Variants in HPCAL1 observed in about 807,000 individuals in gnomAD.
The protein encoded by HPCAL1 is hippocalcin-like protein 1.
A neutral mutation model predicts 17.1 loss-of-function variants in HPCAL1; 8 were observed. That is an observed-to-expected ratio of 0.47 (90% CI 0.27 to 0.84). HPCAL1 has a LOEUF of 0.84. Ranked by LOEUF, HPCAL1 falls within the 40% of genes least tolerant of loss-of-function variation. The probability of loss-of-function intolerance (pLI) is 0.13; values close to 1 mark genes in which losing one functional copy is unlikely to be tolerated. For synonymous variants in HPCAL1, 112 were observed against 111.4 expected, an observed-to-expected ratio of 1.01 and a Z score of -0.03; for missense variants, 165 against 271.1, an observed-to-expected ratio of 0.61 and a Z score of 2.75.
intron 3 of HPCAL1, among the ~76,000 whole-genome samples, chr2:10,422,717 C>T (rs1671139816): frequency 6.6e-6 from 1 of 152,232 alleles, no homozygotes; most frequent in Non-Finnish European, 1.5e-5. Flanking sequence ...TAGGCACCTT[C>T]CTGGCACTAC....
At chr2:10,393,414 C>T (rs1296869989) in intron 1 of HPCAL1, among the ~76,000 whole-genome samples, 1 of 152,232 alleles carries the variant, frequency 6.6e-6, no homozygotes, top group Non-Finnish European at 1.5e-5. Context: ...GCTGGCTGGG[C>T]CTCCTCTGCG....
intron 2 of HPCAL1, chr2:10,406,394 A>G (rs937204701): frequency 2.0e-5 from 3 of 152,266 alleles, no homozygotes; most frequent in Non-Finnish European, 4.4e-5. Flanking sequence ...CTGCTGTTTC[A>G]TGGGCGTGTG....
At chr2:10,307,893 C>T (rs574585032) in intron 1 of HPCAL1, among the ~76,000 whole-genome samples, 108 of 152,334 alleles carry the variant, frequency 7.1e-4, no homozygotes, top group African/African-American at 2.4e-3. Context: ...CCTCCCCAAC[C>T]CCACCAAACC....
chr2:10,341,936 T>A (rs1421851188), intron 1 of HPCAL1, among the ~76,000 whole-genome samples: 1 of 151,632 alleles, frequency 6.6e-6, no homozygotes, highest in East Asian at 2.0e-4. Flanking sequence ...AGTGGGAGGA[T>A]CACTTGAGGA....
At chr2:10,368,150 G>A (rs1334102954) in intron 1 of HPCAL1, among the ~76,000 whole-genome samples, 1 of 151,924 alleles carries the variant, frequency 6.6e-6, no homozygotes, top group African/African-American at 2.4e-5. Context: ...ACACGTGCAT[G>A]TGTAGGTGTG....
intron 2 of HPCAL1, among the ~76,000 whole-genome samples, chr2:10,412,273 G>A (rs578094958): frequency 6.6e-6 from 1 of 152,338 alleles, no homozygotes; most frequent in East Asian, 1.9e-4. Flanking sequence ...TGCAGGGAAC[G>A]ACTTTCCTCC....
In HPCAL1 at chr2:10,419,522, C is replaced by T. The variant is rs1670898127; in HGVS notation, c.-24-212C>T. ...ACATTCTCCAAGTGAGAACGTGTCC[C>T]GCAGTGTGAGGGTGAGCTGTCGTGA... On this transcript the variant is annotated intron_variant, in intron 2 of 4. Transcript: ENST00000307845. The surrounding 1 kb of genome is among the most constrained non-coding windows in gnomAD (Gnocchi z 5.0). Among the ~76,000 whole-genome samples, 1 of 151,880 alleles carries T rather than the reference C, an allele frequency of 6.6e-6. No individual in the cohort carries two copies. The highest frequency in any genetic ancestry group is 2.4e-5 in the African/African-American group (1 of 41,336).
Position 10,405,186 on chromosome 2 carries a change from G to A in HPCAL1, c.-25+8266G>A, listed in dbSNP as rs900563538. 2.0e-5 allele frequency among the ~76,000 whole-genome samples: 3 copies of A among 152,248 alleles called. No homozygotes were observed. The East Asian group carries it at 5.8e-4, about 29-fold the overall frequency. ...GGACCATATGGCTGGAGACGGGGCA[G>A]GCTGGGCAGAGCCCCCAGCAGGGCC... is the stretch of plus-strand genomic sequence containing the variant. On this transcript the variant is annotated intron_variant, in intron 2 of 4. Transcript: ENST00000307845.
At chr2:10,315,738 G>A (rs759892936) in intron 1 of HPCAL1, among the ~76,000 whole-genome samples, 3 of 152,218 alleles carry the variant, frequency 2.0e-5, no homozygotes, top group Non-Finnish European at 4.4e-5. Flanking sequence ...CACGTGCGGT[G>A]GCTCATGCCT....
chr2:10,328,174 T>G (rs1343240714), intron 1 of HPCAL1, among the ~76,000 whole-genome samples: 6 of 152,128 alleles, frequency 3.9e-5, no homozygotes, highest in Non-Finnish European at 7.4e-5. Flanking sequence ...AATAGGAAGG[T>G]GATGGCCAGG....
intron 2 of HPCAL1, among the ~76,000 whole-genome samples, chr2:10,415,822 G>A (rs545997029): frequency 6.6e-5 from 10 of 152,326 alleles, no homozygotes; most frequent in Middle Eastern, 3.4e-3. Context: ...CCTGTGCCCC[G>A]GAGCCTGGCT....
rs1334652900 is a variant in HPCAL1, at chr2:10,330,121, T to A, written c.-111+26944T>A. The A allele has an allele frequency of 2.0e-5, 3 of 152,080 alleles. No homozygotes were observed. Among genetic ancestry groups the A allele is most frequent in the Non-Finnish European group, 2.9e-5 (2 of 68,022 alleles). 9.4% of individuals were successfully genotyped at this position (152,080 alleles called of 1,614,324 possible). A position where few individuals can be genotyped will look rare whatever the true frequency, so the allele number is the denominator to read the frequency against. On this transcript the variant is annotated intron_variant, in intron 1 of 4. Coordinates refer to ENST00000307845, the MANE Select transcript of HPCAL1 (RefSeq NM_002149.4). The surrounding 1 kb of genome is among the most constrained non-coding windows in gnomAD (Gnocchi z 4.2). ...TTCCTTTTAGAGACTATGCACAATT[T>A]ATGTGGCAAGCTAGAGATGCTTTCT...
intron 2 of HPCAL1, among the ~76,000 whole-genome samples, chr2:10,406,519 G>A (rs1669979176): frequency 6.6e-6 from 1 of 152,256 alleles, no homozygotes; most frequent in Admixed American, 6.5e-5. Flanking sequence ...GAAGGAACCA[G>A]TCCAGAGACT....
At chr2:10,336,897 A>G (rs1664757026) in intron 1 of HPCAL1, among the ~76,000 whole-genome samples, 2 of 152,082 alleles carry the variant, frequency 1.3e-5, no homozygotes, top group South Asian at 4.2e-4. Context: ...GGTATGCACC[A>G]CCACACCTGG....
chr2:10,426,986 T>G lies in HPCAL1; in HGVS notation c.*165T>G. 1.6e-6 allele frequency: 1 copy of G among 623,434 alleles called. No individual in the cohort carries two copies. The highest frequency in any genetic ancestry group is 2.5e-5 in the Admixed American group (1 of 39,630). 38.6% of individuals were successfully genotyped at this position (623,434 alleles called of 1,614,324 possible). ...GGTGGCTGCGCCTCCCTCCTCCACC[T>G]GACCAACGCGACATTCCTCCCCTCA... On this transcript the variant is annotated 3_prime_UTR_variant, in exon 5 of 5. Coordinates refer to ENST00000307845, the MANE Select transcript of HPCAL1 (RefSeq NM_002149.4).
intron 1 of HPCAL1, among the ~76,000 whole-genome samples, chr2:10,370,191 C>G (rs527800655): frequency 6.6e-6 from 1 of 152,380 alleles, no homozygotes; most frequent in East Asian, 1.9e-4. Context: ...AGTAGTGGCT[C>G]CCTTCCCATT....
chr2:10,381,187 G>C (rs958443752), intron 1 of HPCAL1, among the ~76,000 whole-genome samples: 1 of 152,220 alleles, frequency 6.6e-6, no homozygotes, highest in Non-Finnish European at 1.5e-5. Flanking sequence ...CCCAGGAGAT[G>C]CATGTATCTG....
intron 1 of HPCAL1, among the ~76,000 whole-genome samples, chr2:10,372,550 G>C (rs7573168): frequency 2.0e-5 from 3 of 151,754 alleles, no homozygotes; most frequent in Non-Finnish European, 4.4e-5. Context: ...TGTGACACAG[G>C]GGGGCAAGTG....
Position 10,362,951 on chromosome 2 carries a change from C to T in HPCAL1, c.-110-33884C>T, listed in dbSNP as rs886624444. 2.0e-5 allele frequency among the ~76,000 whole-genome samples: 3 copies of T among 152,178 alleles called. No individual in the cohort carries two copies. The highest frequency in any genetic ancestry group is 7.2e-5 in the African/African-American group (3 of 41,446). ...AGAGGGAAACTGGTTTTCCCAGAGT[C>T]ACACAGCTAGGTGCCCCTTTGATGG... On this transcript the variant is annotated intron_variant, in intron 1 of 4. Coordinates refer to ENST00000307845, the MANE Select transcript of HPCAL1 (RefSeq NM_002149.4). The surrounding 1 kb of genome is among the most constrained non-coding windows in gnomAD (Gnocchi z 5.0).
Sources: allele counts gnomAD v4.1 joint callset (sites outside exome capture counted in the v4.1 genomes callset), GRCh38; gene constraint gnomAD v4.1.1; non-coding constraint Gnocchi (gnomAD v3.1); transcripts MANE v1.5; gene names NCBI Gene and HGNC (gene_info 2026-07-23, HGNC 2026-07-21).